HPSE2: variants seen among roughly 807,000 people sequenced by gnomAD.
The protein encoded by HPSE2 is heparanase 2 (inactive), also known as inactive heparanase-2.
HPSE2 carries 38 observed loss-of-function variants against 60.5 expected under a neutral mutation model. That is an observed-to-expected ratio of 0.63 (90% CI 0.48 to 0.82). The LOEUF (loss-of-function observed/expected upper bound fraction) is 0.82, where lower values mean the gene tolerates loss of function less well. Ranked by LOEUF, HPSE2 falls within the 40% of genes least tolerant of loss-of-function variation. HPSE2 has a pLI of 0.00. For missense variants in HPSE2, 713 were observed against 740.4 expected, an observed-to-expected ratio of 0.96 and a Z score of 0.43; for synonymous variants, 295 against 293.2, an observed-to-expected ratio of 1.01 and a Z score of -0.06.
chr10:99,075,091 G>A (rs1046427518), intron 3 of HPSE2, among the ~76,000 whole-genome samples: 2 of 151,882 alleles, frequency 1.3e-5, no homozygotes, highest in African/African-American at 4.8e-5. Context: ...GGCTTAGTTT[G>A]TTCTTTTTCT....
intron 9 of HPSE2, among the ~76,000 whole-genome samples, chr10:98,554,926 C>A (rs1041040102): frequency 6.6e-6 from 1 of 152,062 alleles, no homozygotes; most frequent in Admixed American, 6.6e-5. Flanking sequence ...TTTAAATCAC[C>A]CAAGGCCTAA....
At chr10:98,790,733 G>T (rs1950637457) in intron 3 of HPSE2, among the ~76,000 whole-genome samples, 1 of 152,140 alleles carries the variant, frequency 6.6e-6, no homozygotes, top group Non-Finnish European at 1.5e-5. Flanking sequence ...ATATCACATT[G>T]TACTGGAGTG....
chr10:99,153,191 G>A (rs1212260565), intron 2 of HPSE2, among the ~76,000 whole-genome samples: 10 of 152,168 alleles, frequency 6.6e-5, no homozygotes, highest in African/African-American at 2.4e-4. Flanking sequence ...GCCCGCCATT[G>A]CCCAGGCTTG....
At chr10:98,470,617 G>A (rs1370293542) in intron 11 of HPSE2, among the ~76,000 whole-genome samples, 1 of 152,218 alleles carries the variant, frequency 6.6e-6, no homozygotes, top group Non-Finnish European at 1.5e-5. Flanking sequence ...GAAGACGAGG[G>A]CCATTTCTTC....
intron 3 of HPSE2, among the ~76,000 whole-genome samples, chr10:98,917,852 T>C (rs889035773): frequency 3.3e-5 from 5 of 152,228 alleles, no homozygotes; most frequent in Admixed American, 3.3e-4. Context: ...GTCTTTCTGA[T>C]GGCAATGCCT....
At chr10:98,998,416 G>A (rs1250858201) in intron 3 of HPSE2, among the ~76,000 whole-genome samples, 1 of 152,212 alleles carries the variant, frequency 6.6e-6, no homozygotes. Flanking sequence ...TCTAGATGTA[G>A]AAGAGATTAA....
At chr10:98,749,947 T>TATATATATATATATATATATACACATAC in intron 3 of HPSE2, among the ~76,000 whole-genome samples, 1 of 98,484 alleles carries the variant, frequency 1.0e-5, no homozygotes, top group African/African-American at 3.3e-5. Flanking sequence ...TATATATATA[T>TATATATATATATATATATATACACATAC]ACACACACAC....
At chr10:98,677,830 T>G (rs1262556123) in intron 6 of HPSE2, among the ~76,000 whole-genome samples, 3 of 152,166 alleles carry the variant, frequency 2.0e-5, no homozygotes, top group Non-Finnish European at 4.4e-5. Flanking sequence ...TAAGCAGAAT[T>G]TTTGCTTAAC....
intron 2 of HPSE2, among the ~76,000 whole-genome samples, chr10:99,148,082 T>C (rs1227063867): frequency 6.6e-6 from 1 of 152,208 alleles, no homozygotes; most frequent in Admixed American, 6.5e-5. Context: ...GCTGCCAAAA[T>C]GATTAATGCA....
chr10:99,058,137 G>A (rs1026531907), intron 3 of HPSE2, among the ~76,000 whole-genome samples: 8 of 152,142 alleles, frequency 5.3e-5, no homozygotes, highest in South Asian at 2.1e-4. Context: ...AGAGGGTTCC[G>A]GCAGAAAGGC....
intron 3 of HPSE2, among the ~76,000 whole-genome samples, chr10:99,015,063 A>G (rs1400186899): frequency 6.6e-6 from 1 of 152,240 alleles, no homozygotes; most frequent in African/African-American, 2.4e-5. Context: ...AGACACATGA[A>G]AAAAGGCTCA....
At chr10:98,732,303 T>G (rs4608006) in intron 4 of HPSE2, among the ~76,000 whole-genome samples, 149,402 of 152,258 alleles carry the variant, frequency 0.98, 73,359 homozygotes, top group East Asian at 1. Flanking sequence ...ACATGGAAAT[T>G]CAAACACCCA....
At chr10:98,505,049 G>T (rs1207797990) in intron 9 of HPSE2, among the ~76,000 whole-genome samples, 1 of 151,998 alleles carries the variant, frequency 6.6e-6, no homozygotes, top group African/African-American at 2.4e-5. Flanking sequence ...TTTTAATTTT[G>T]TATAATACTT....
intron 3 of HPSE2, among the ~76,000 whole-genome samples, chr10:99,052,630 C>A (rs951331883): frequency 5.9e-5 from 9 of 151,762 alleles, no homozygotes; most frequent in Non-Finnish European, 5.9e-5. Flanking sequence ...GTAAAATAGC[C>A]AAACCAAAGG....
chr10:98,936,051 A>G (rs758356295), intron 3 of HPSE2, among the ~76,000 whole-genome samples: 3 of 144,388 alleles, frequency 2.1e-5, no homozygotes, highest in African/African-American at 8.4e-5. Flanking sequence ...ACTTTACTGC[A>G]CTGTGGAGAA....
intron 3 of HPSE2, among the ~76,000 whole-genome samples, chr10:98,775,633 T>G (rs1439156295): frequency 2.0e-5 from 3 of 152,148 alleles, no homozygotes; most frequent in Non-Finnish European, 2.9e-5. Flanking sequence ...CTAAGAATGC[T>G]TTATCACCTA....
At chr10:99,131,845 C>T (rs1227857482) in intron 3 of HPSE2, among the ~76,000 whole-genome samples, 1 of 151,982 alleles carries the variant, frequency 6.6e-6, no homozygotes, top group East Asian at 1.9e-4. Flanking sequence ...GGTACAGTGG[C>T]TCATGTCTGT....
At chr10:99,166,980 T>TTTTTTTC in intron 2 of HPSE2, among the ~76,000 whole-genome samples, 1 of 151,100 alleles carries the variant, frequency 6.6e-6, no homozygotes, top group African/African-American at 2.4e-5. Context: ...TCATACTTTC[T>TTTTTTTC]TTTTTTCTTT....
chr10:99,256,511 C>T, the HPSE2 span, among the ~76,000 whole-genome samples: 4 of 149,344 alleles, frequency 2.7e-5, no homozygotes, highest in Non-Finnish European at 5.9e-5. Flanking sequence ...TCTGATATTC[C>T]GTTAGCACAA....
Sources: allele counts gnomAD v4.1 joint callset (sites outside exome capture counted in the v4.1 genomes callset), GRCh38; gene constraint gnomAD v4.1.1; transcripts MANE v1.5; gene names NCBI Gene and HGNC (gene_info 2026-07-23, HGNC 2026-07-21).